The following SND1 variants were observed in gnomAD, a reference collection of about 807,000 sequenced individuals.
The protein encoded by SND1 is staphylococcal nuclease and tudor domain containing 1.
A neutral mutation model predicts 121.7 loss-of-function variants in SND1; 38 were observed. The ratio of observed to expected loss-of-function variants is 0.31; its 90% CI spans 0.24 to 0.41. The LOEUF (loss-of-function observed/expected upper bound fraction) is 0.41. Ranked by LOEUF, SND1 falls within the 10% of genes least tolerant of loss-of-function variation. The pLI, the probability that SND1 is intolerant of heterozygous loss-of-function variation, is 1.00. For synonymous variants in SND1, 401 were observed against 447.4 expected (o/e 0.90, Z 1.31); for missense variants, 868 against 1,184.6 (o/e 0.73, Z 3.92).
chr7:127,906,214 C>T (rs1800333812), intron 14 of SND1, among the ~76,000 whole-genome samples: 1 of 152,154 alleles, frequency 6.6e-6, no homozygotes, highest in South Asian at 2.1e-4. Context: ...AAGTGATATG[C>T]ACTTTTTGTG....
At chr7:127,753,612 G>T (rs558093582) in intron 10 of SND1, among the ~76,000 whole-genome samples, 1 of 152,192 alleles carries the variant, frequency 6.6e-6, no homozygotes, top group South Asian at 2.1e-4. Flanking sequence ...GGTGTGTAGT[G>T]GACCTTTCAT....
chr7:128,090,491 C>T (rs1272841141), intron 22 of SND1, among the ~76,000 whole-genome samples: 1 of 152,178 alleles, frequency 6.6e-6, no homozygotes, highest in Non-Finnish European at 1.5e-5. Flanking sequence ...CCAAGAGGGC[C>T]AGACTTGGGG....
chr7:128,033,811 CT>C (rs1436605753), intron 16 of SND1, among the ~76,000 whole-genome samples: 1 of 152,168 alleles, frequency 6.6e-6, no homozygotes, highest in Non-Finnish European at 1.5e-5. Flanking sequence ...CTCAGCACGT[CT>C]CAGATGTCAA....
chr7:127,939,298 C>T (rs1229324685), intron 15 of SND1, among the ~76,000 whole-genome samples: 1 of 152,032 alleles, frequency 6.6e-6, no homozygotes, highest in African/African-American at 2.4e-5. Flanking sequence ...ATGCTAAGAG[C>T]CTCAGCATGC....
chr7:127,752,214 T>C (rs1797108673), intron 10 of SND1, among the ~76,000 whole-genome samples: 1 of 151,978 alleles, frequency 6.6e-6, no homozygotes, highest in African/African-American at 2.4e-5. Flanking sequence ...AAATGATGAG[T>C]GATTTTTATT....
intron 14 of SND1, among the ~76,000 whole-genome samples, chr7:127,923,135 C>T (rs528396509): frequency 7.2e-4 from 109 of 152,204 alleles, no homozygotes; most frequent in African/African-American, 2.3e-3. Context: ...ACTACAGGCC[C>T]GCACCACCAT....
At chr7:127,884,628 C>T (rs1032246650) in intron 12 of SND1, among the ~76,000 whole-genome samples, 1 of 152,120 alleles carries the variant, frequency 6.6e-6, no homozygotes, top group Non-Finnish European at 1.5e-5. Flanking sequence ...CCTTCATTCC[C>T]TCCATTCTGC....
At chr7:127,796,298 C>A (rs1017026412) in intron 10 of SND1, among the ~76,000 whole-genome samples, 7 of 152,022 alleles carry the variant, frequency 4.6e-5, no homozygotes, top group African/African-American at 1.7e-4. Flanking sequence ...ACAACTGCCC[C>A]CCCTTTAAAG....
At chr7:128,037,294 C>T (rs575988544) in intron 16 of SND1, among the ~76,000 whole-genome samples, 37 of 152,316 alleles carry the variant, frequency 2.4e-4, no homozygotes, top group Middle Eastern at 3.4e-3. Flanking sequence ...AGCTGTATCA[C>T]TTCAGTCTCT....
chr7:128,091,196 T>C (rs921774815), intron 22 of SND1, among the ~76,000 whole-genome samples: 1 of 152,128 alleles, frequency 6.6e-6, no homozygotes, highest in African/African-American at 2.4e-5. Context: ...GAGTCAGGAA[T>C]GGGAGGGGAA....
chr7:128,081,653 C>G (rs1793604617), intron 18 of SND1, 152 bp downstream of exon 18: 3 of 839,340 alleles, frequency 3.6e-6, no homozygotes, highest in Non-Finnish European at 5.6e-6. Context: ...CCCTGTCTCC[C>G]TGCCTTGTCC....
At chr7:127,784,969 A>T (rs1034177351) in intron 10 of SND1, among the ~76,000 whole-genome samples, 2 of 152,130 alleles carry the variant, frequency 1.3e-5, no homozygotes, top group Non-Finnish European at 2.9e-5. Flanking sequence ...CACAAGCTGG[A>T]GTGCAGTGGC....
At chr7:127,841,622 C>T (rs1489515026) in intron 11 of SND1, among the ~76,000 whole-genome samples, 1 of 152,086 alleles carries the variant, frequency 6.6e-6, no homozygotes, top group Admixed American at 6.6e-5. Flanking sequence ...GCATCAAGAC[C>T]ACTTCTTCCC....
At chr7:127,761,432 C>T (rs1308323731) in intron 10 of SND1, among the ~76,000 whole-genome samples, 2 of 150,990 alleles carry the variant, frequency 1.3e-5, no homozygotes, top group African/African-American at 4.8e-5. Context: ...GGTATTTTAC[C>T]CCCTCAGTTA....
intron 10 of SND1, among the ~76,000 whole-genome samples, chr7:127,724,033 A>G (rs571132190): frequency 9.8e-5 from 15 of 152,334 alleles, no homozygotes; most frequent in Admixed American, 9.1e-4. Context: ...GGCTACCATT[A>G]TGGATAGCAC....
chr7:127,813,546 TTTGTTGTTG>T (rs575148903), intron 11 of SND1, among the ~76,000 whole-genome samples: 10 of 152,064 alleles, frequency 6.6e-5, no homozygotes, highest in Non-Finnish European at 1.3e-4. Context: ...AAGTGTGTTA[TTTGTTGTTG>T]TTGTTGTTGT....
At chr7:127,926,792 C>T (rs561865775) in intron 14 of SND1, among the ~76,000 whole-genome samples, 9 of 151,146 alleles carry the variant, frequency 6.0e-5, no homozygotes, top group Non-Finnish European at 1.0e-4. Context: ...GGGGTTTCAC[C>T]GTGTTAGCCA....
At chr7:128,082,041 C>A in intron 18 of SND1, 1 of 514,514 alleles carries the variant, frequency 1.9e-6, no homozygotes. Context: ...CATCCCCGGG[C>A]AGTCTCTGAA....
At chr7:128,031,863 G>GCGCCCTCAGTGGCCGCGC (rs1792624505) in intron 16 of SND1, among the ~76,000 whole-genome samples, 2 of 150,406 alleles carry the variant, frequency 1.3e-5, no homozygotes, top group Admixed American at 1.3e-4. Context: ...TCGGCTCCCG[G>GCGCCCTCAGTGGCCGCGC]CGCCCTCAGT....
Sources: gnomAD v4.1 joint callset for allele counts (sites outside exome capture counted in the v4.1 genomes callset) on GRCh38, gnomAD v4.1.1 for gene constraint, MANE v1.5 for transcripts, NCBI Gene and HGNC (gene_info 2026-07-23, HGNC 2026-07-21) for gene names.